The following ATM variants were observed in gnomAD, a reference collection of about 807,000 sequenced individuals.
The protein encoded by ATM is ATM serine/threonine kinase.
ATM carries 308 observed loss-of-function variants against 387.0 expected under a neutral mutation model. That is an observed-to-expected ratio of 0.80 (90% CI 0.73 to 0.87). The LOEUF is 0.87. ATM is among the 40% of genes least tolerant of loss of function. ATM has a pLI of 0.00. For missense variants in ATM, 3,312 were observed against 3,560.9 expected (o/e 0.93, Z 1.78); for synonymous variants, 1,156 against 1,187.3 (o/e 0.97, Z 0.54).
chr11:108,251,572 A>G (rs534731103), intron 10 of ATM, among the ~76,000 whole-genome samples: 53 of 152,338 alleles, frequency 3.5e-4, no homozygotes, highest in Non-Finnish European at 6.2e-4. Context: ...ACTTTCTTTA[A>G]AGAATTATGA....
intron 4 of ATM, among the ~76,000 whole-genome samples, chr11:108,231,065 A>T (rs957568273): frequency 6.6e-6 from 1 of 152,090 alleles, no homozygotes; most frequent in Non-Finnish European, 1.5e-5. Context: ...CTTATCTTTC[A>T]TTCTGTACTC....
intron 38 of ATM, among the ~76,000 whole-genome samples, 165 bp from the exon 39 acceptor site, chr11:108,309,995 A>G (rs1407791046): frequency 2.0e-5 from 3 of 152,192 alleles, no homozygotes; most frequent in Non-Finnish European, 4.4e-5. Flanking sequence ...CTCTTCAGCC[A>G]TGTTATCTTA....
chr11:108,352,518 C>T lies in ATM; in HGVS notation c.8672-1248C>T, dbSNP rs544319655. On this transcript the variant is annotated intron_variant, in intron 59 of 62. Coordinates refer to ENST00000675843, the MANE Select transcript of ATM (RefSeq NM_000051.4). ...GAAACCTTCAGCATCTAGGGCTAAA[C>T]AGAGTTCCTAGACTTGATACCAAAA... 1.5e-3 allele frequency among the ~76,000 whole-genome samples: 227 copies of T among 152,300 alleles called. 1 individual carries two copies. The highest frequency in any genetic ancestry group is 5.4e-3 in the African/African-American group (223 of 41,560).
At chr11:108,286,020 T>G (rs1591650901) in intron 26 of ATM, among the ~76,000 whole-genome samples, 1 of 152,150 alleles carries the variant, frequency 6.6e-6, no homozygotes, top group Non-Finnish European at 1.5e-5. Flanking sequence ...GTTTCTTAGC[T>G]TTTTGGTTAA....
At chr11:108,353,646 C>T (rs2089472977) in intron 59 of ATM, 120 bp from the exon 60 acceptor site, 1 of 786,062 alleles carries the variant, frequency 1.3e-6, no homozygotes, top group Non-Finnish European at 2.2e-6. Flanking sequence ...ACTGTACATA[C>T]TAGTGTTCAT....
At chr11:108,301,413 CAATT>C (rs2083423771) in intron 34 of ATM, among the ~76,000 whole-genome samples, 1 of 152,102 alleles carries the variant, frequency 6.6e-6, no homozygotes, top group African/African-American at 2.4e-5. Context: ...ATAGTAGTCA[CAATT>C]AAACTGTATT....
In ATM at chr11:108,229,166, G is replaced by C; in HGVS notation, c.186-12G>C. 2 of 1,606,842 alleles carry C rather than the reference G, an allele frequency of 1.2e-6. No individual in the cohort carries two copies. The highest frequency in any genetic ancestry group is 8.5e-7 in the Non-Finnish European group (1 of 1,175,872). ...CAACGAGTTTCTGAAATTGCATTTTGTTTTCTTGAAGATTTTTACAGAAAT... is the reference window on the plus strand; with the variant it reads ...CAACGAGTTTCTGAAATTGCATTTTCTTTTCTTGAAGATTTTTACAGAAAT... On this transcript the variant is annotated splice_polypyrimidine_tract_variant and intron_variant, in intron 3 of 62. Transcript: ENST00000675843.
intron 13 of ATM, among the ~76,000 whole-genome samples, chr11:108,254,296 TAGTA>T: frequency 6.6e-6 from 1 of 152,192 alleles, no homozygotes; most frequent in East Asian, 1.9e-4. Flanking sequence ...TAGTGAGGAA[TAGTA>T]AGAGTTTGAG....
rs761324887 is a variant in ATM, at chr11:108,332,809, G to A, written c.7836G>A (p.Arg2612=). The change falls in exon 53 of 63, where the codon AGG becomes AGA. Residue 2612 remains arginine (R), a synonymous_variant. Transcript: ENST00000675843. The part of the protein sequence containing the change: ...ANRIICTIRS[R]RPQMVRSVEA... ...GAATAATATGTACTATCAGAAGTAG[G>A]AGACCTCAGATGGTCAGAAGTGTTG... The A allele has an allele frequency of 6.2e-6, 10 of 1,613,282 alleles. No individual in the cohort carries two copies. In the South Asian group the frequency reaches 1.1e-4, roughly 18 times the overall value.
rs2091467699 is a variant in ATM at position 108,369,017 on chromosome 11, T to C, written c.*3509T>C. The C allele has an allele frequency of 5.6e-6, 1 of 180,074 alleles. No homozygotes were observed. 11.2% of individuals were successfully genotyped at this position (180,074 alleles called of 1,614,324 possible). On this transcript the variant is annotated 3_prime_UTR_variant, in exon 63 of 63. Transcript: ENST00000675843. ...CCTTAATGAAATTATCTATTTTCTA[T>C]AGATTTTAGTACTATTGAATGTATT...
chr11:108,262,225 G>A (rs1042678124), intron 16 of ATM, among the ~76,000 whole-genome samples: 15 of 152,200 alleles, frequency 9.9e-5, no homozygotes, highest in Admixed American at 2.0e-4. Flanking sequence ...GTTAAGGGCA[G>A]CCAGAGAGAA....
intron 26 of ATM, among the ~76,000 whole-genome samples, chr11:108,285,425 G>C (rs2082443104): frequency 6.6e-6 from 1 of 151,030 alleles, no homozygotes. Flanking sequence ...AGCTTCGTTT[G>C]TTTTATAATC....
At chr11:108,302,719 TA>T in intron 35 of ATM, 133 bp from the exon 36 acceptor site, 1 of 858,938 alleles carries the variant, frequency 1.2e-6, no homozygotes, top group Non-Finnish European at 1.8e-6. Context: ...TCTTAAAAGG[TA>T]AACATTGCCT....
At chr11:108,261,884 C>T (rs1283712077) in intron 16 of ATM, among the ~76,000 whole-genome samples, 3 of 151,680 alleles carry the variant, frequency 2.0e-5, no homozygotes, top group African/African-American at 7.3e-5. Context: ...AGGGTATCAG[C>T]GATGGAAGAT....
At chr11:108,299,626 C>A in intron 33 of ATM, 88 bp from the exon 34 acceptor site, 1 of 1,333,132 alleles carries the variant, frequency 7.5e-7, no homozygotes, top group Non-Finnish European at 1.1e-6. Flanking sequence ...TACAGAAAAA[C>A]AGCATTATAG....
At chr11:108,279,202 C>G (rs2082095854) in intron 22 of ATM, among the ~76,000 whole-genome samples, 1 of 152,136 alleles carries the variant, frequency 6.6e-6, no homozygotes, top group Admixed American at 6.5e-5. Flanking sequence ...TCTTTTCTGG[C>G]TAGTTTGAGT....
intron 5 of ATM, among the ~76,000 whole-genome samples, chr11:108,240,175 A>G (rs2079485510): frequency 6.6e-6 from 1 of 152,168 alleles, no homozygotes; most frequent in Non-Finnish European, 1.5e-5. Context: ...GTGTTTTGAC[A>G]TTTTTAAAGA....
intron 43 of ATM, among the ~76,000 whole-genome samples, chr11:108,318,089 C>T (rs1462226006): frequency 2.0e-5 from 3 of 152,022 alleles, no homozygotes; most frequent in South Asian, 2.1e-4. Flanking sequence ...CGGCCAGGCA[C>T]GGTGGCTCAT....
At chr11:108,307,707 A>C (rs1226434970) in intron 37 of ATM, among the ~76,000 whole-genome samples, 190 bp from the exon 38 acceptor site, 1 of 152,194 alleles carries the variant, frequency 6.6e-6, no homozygotes, top group Non-Finnish European at 1.5e-5. Flanking sequence ...GTAAGTTCTC[A>C]CTTTTTTTAA....
Sources: gnomAD v4.1 joint callset for allele counts (sites outside exome capture counted in the v4.1 genomes callset) on GRCh38, gnomAD v4.1.1 for gene constraint, MANE v1.5 for transcripts, NCBI Gene and HGNC (gene_info 2026-07-23, HGNC 2026-07-21) for gene names.